ECE1: variants seen among roughly 807,000 people sequenced by gnomAD.
ECE1 encodes the protein endothelin converting enzyme 1.
A neutral mutation model predicts 98.6 loss-of-function variants in ECE1; 35 were observed. The ratio of observed to expected loss-of-function variants is 0.35; its 90% CI spans 0.27 to 0.47. The LOEUF (loss-of-function observed/expected upper bound fraction) is 0.47, where lower values mean the gene tolerates loss of function less well. Among genes scored for constraint, ECE1 ranks in the 20% least tolerant of loss-of-function variants. The pLI, the probability that ECE1 is intolerant of heterozygous loss-of-function variation, is 1.00. For missense variants in ECE1, 814 were observed against 1,025.3 expected (o/e 0.79, Z 2.81); for synonymous variants, 394 against 407.1 (o/e 0.97, Z 0.39).
At chr1:21,238,388 G>T in intron 10 of ECE1, 144 bp from the exon 11 acceptor site, 1 of 719,636 alleles carries the variant, frequency 1.4e-6, no homozygotes. Context: ...AGTTATTTTA[G>T]TCACCGGACC....
At chr1:21,236,381 G>A (rs2098188071) in intron 12 of ECE1, among the ~76,000 whole-genome samples, 1 of 152,172 alleles carries the variant, frequency 6.6e-6, no homozygotes, top group South Asian at 2.1e-4. Flanking sequence ...CGGGCGCGGT[G>A]GCTTATGCCT....
At chr1:21,284,139 C>T (rs146119979) in intron 2 of ECE1, among the ~76,000 whole-genome samples, 53 of 152,324 alleles carry the variant, frequency 3.5e-4, no homozygotes, top group East Asian at 2.1e-3. Context: ...GCATCCCTGT[C>T]GCACCTGCCC....
At chr1:21,341,160 C>T (rs761839088) in intron 1 of ECE1, among the ~76,000 whole-genome samples, 7 of 152,190 alleles carry the variant, frequency 4.6e-5, no homozygotes, top group Admixed American at 6.5e-5. Flanking sequence ...CAGCCCCCCG[C>T]GTGTCTCCCT....
chr1:21,220,282 C>T lies in ECE1; in HGVS notation c.2137-151G>A, dbSNP rs1166127171. The T allele has an allele frequency of 1.2e-6, 1 of 832,310 alleles. No homozygotes were observed. 51.6% of individuals were successfully genotyped at this position (832,310 alleles called of 1,614,324 possible). The stretch of plus-strand genomic sequence containing the variant: ...AGCCAAGGTGGAAGGGCTGCTTGAG[C>T]CCAGGAGTTCATGACCAGCTTGGGC... On this transcript the variant is annotated intron_variant, in intron 18 of 18. Coordinates refer to ENST00000374893, the MANE Select transcript of ECE1 (RefSeq NM_001397.3). The surrounding 1 kb of genome is among the most constrained non-coding windows in gnomAD (Gnocchi z 5.0).
chr1:21,219,912 C>T lies in ECE1; in HGVS notation c.*43G>A, dbSNP rs2098165219. On this transcript the variant is annotated 3_prime_UTR_variant, in exon 19 of 19. Transcript: ENST00000374893. This position sits in a 1 kb window ranked among gnomAD's most constrained non-coding sequence, Gnocchi z 4.5. Reference sequence around the variant, plus strand: ...GGAGGCTGGATGGGGGTCTCGTCCTCAGCCCCTTCCCCTCCTCCGTCTTGG... The same window carrying T: ...GGAGGCTGGATGGGGGTCTCGTCCTTAGCCCCTTCCCCTCCTCCGTCTTGG... 6.2e-7 allele frequency: 1 copy of T among 1,611,476 alleles called. No homozygotes were observed. Among genetic ancestry groups the T allele is most frequent in the African/African-American group, 1.3e-5 (1 of 74,894 alleles).
rs2103259346 is a variant in ECE1, at chr1:21,245,134, G to A, written c.1164-31C>T. The stretch of plus-strand genomic sequence containing the variant: ...GGGAGAGGAGGCCAGAGAGGCTCAG[G>A]GACACCTAGGCAGGGAGGATTGCGG... On this transcript the variant is annotated intron_variant, in intron 9 of 18. Coordinates refer to ENST00000374893, the MANE Select transcript of ECE1 (RefSeq NM_001397.3). 3 of 1,589,210 alleles carry A rather than the reference G, an allele frequency of 1.9e-6. No homozygotes were observed. In the South Asian group the frequency reaches 3.3e-5, roughly 18 times the overall value.
intron 8 of ECE1, 108 bp downstream of exon 8, chr1:21,255,839 A>G: frequency 8.2e-7 from 1 of 1,219,364 alleles, no homozygotes; most frequent in Non-Finnish European, 1.2e-6. Flanking sequence ...TTCCTTTGTC[A>G]CATAGTTTCA....
intron 2 of ECE1, 134 bp downstream of exon 2, chr1:21,289,936 T>G (rs1220964638): frequency 9.0e-7 from 1 of 1,112,526 alleles, no homozygotes; most frequent in African/African-American, 2.2e-5. Context: ...GCGCGGCCCC[T>G]CCCGGATGCC....
chr1:21,330,356 GT>G (rs1639174897), intron 1 of ECE1, among the ~76,000 whole-genome samples: 1 of 149,366 alleles, frequency 6.7e-6, no homozygotes, highest in Non-Finnish European at 1.5e-5. Flanking sequence ...AGCCTCCTGA[GT>G]AGCTGGGACC....
intron 1 of ECE1, among the ~76,000 whole-genome samples, chr1:21,342,629 C>CACACACACACAG (rs1297890212): frequency 1.3e-5 from 2 of 151,842 alleles, no homozygotes; most frequent in African/African-American, 4.8e-5. Context: ...CACACACACA[C>CACACACACACAG]ACACACACAC....
At position 21,245,117 on chromosome 1, in the gene ECE1, A is replaced by G. The variant is rs756130443; in HGVS notation, c.1164-14T>C. The G allele has an allele frequency of 5.6e-6, 9 of 1,607,918 alleles. No individual in the cohort carries two copies. Among genetic ancestry groups the G allele is most frequent in the Admixed American group, 1.7e-5 (1 of 59,952 alleles). ...TTGTTGAGCAGGCTGCGGGGAGAGGAGGCCAGAGAGGCTCAGGGACACCTA... is the reference window on the plus strand; with the variant it reads ...TTGTTGAGCAGGCTGCGGGGAGAGGGGGCCAGAGAGGCTCAGGGACACCTA... On this transcript the variant is annotated splice_polypyrimidine_tract_variant and intron_variant, in intron 9 of 18. Coordinates refer to ENST00000374893, the MANE Select transcript of ECE1 (RefSeq NM_001397.3).
intron 7 of ECE1, 56 bp from the exon 8 acceptor site, chr1:21,256,194 G>A (rs1257726835): frequency 1.5e-5 from 23 of 1,545,172 alleles, no homozygotes; most frequent in African/African-American, 2.7e-5. Flanking sequence ...TCCACTGGAC[G>A]AGAGTTGGTG....
chr1:21,329,964 A>G (rs1639161223), intron 1 of ECE1, among the ~76,000 whole-genome samples: 1 of 152,072 alleles, frequency 6.6e-6, no homozygotes, highest in Admixed American at 6.6e-5. Context: ...TGCAGGAAAG[A>G]ACACAGAGTC....
intron 4 of ECE1, among the ~76,000 whole-genome samples, chr1:21,268,745 AC>A (rs2098236984): frequency 6.6e-6 from 1 of 151,538 alleles, no homozygotes; most frequent in Non-Finnish European, 1.5e-5. Flanking sequence ...CTGTTGGCTG[AC>A]CCCTTTGTCT....
chr1:21,235,850 G>A lies in ECE1; in HGVS notation c.1566C>T (p.Asp522=), dbSNP rs28368018. 2.2e-4 allele frequency: 355 copies of A among 1,614,132 alleles called. 1 individual carries two copies. In the African/African-American group the frequency reaches 3.3e-3, roughly 15 times the overall value. ...DPKELDKVFN[D]YTAVPDLYFE... ...AGGGGGCAGGGCAGCAGCTACTCAC[G>A]TCATTAAACACTTTGTCCAGCTCCT... Residue 522 remains aspartate (D), a splice_region_variant and synonymous_variant, in exon 13 of 19, where the codon GAC becomes GAT. Coordinates refer to ENST00000374893, the MANE Select transcript of ECE1 (RefSeq NM_001397.3). The surrounding 1 kb of genome is among the most constrained non-coding windows in gnomAD (Gnocchi z 4.2).
intron 16 of ECE1, 99 bp downstream of exon 16, chr1:21,227,060 G>A (rs1247309884): frequency 8.2e-7 from 1 of 1,221,190 alleles, no homozygotes; most frequent in Non-Finnish European, 1.2e-6. Flanking sequence ...GTCTTGCTAT[G>A]TTGCCCAGGC....
intron 1 of ECE1, among the ~76,000 whole-genome samples, chr1:21,320,451 T>C (rs1427733465): frequency 1.3e-5 from 2 of 152,200 alleles, no homozygotes; most frequent in African/African-American, 2.4e-5. Flanking sequence ...TTATGAGTAA[T>C]TGAAGAGTTT....
At chr1:21,303,843 G>A (rs985581086) in intron 1 of ECE1, among the ~76,000 whole-genome samples, 1 of 151,934 alleles carries the variant, frequency 6.6e-6, no homozygotes, top group Non-Finnish European at 1.5e-5. Flanking sequence ...TAGATAGGGG[G>A]TTTTGCCATG....
At chr1:21,239,543 A>G (rs535856317) in intron 10 of ECE1, among the ~76,000 whole-genome samples, 54 of 152,192 alleles carry the variant, frequency 3.5e-4, no homozygotes, top group Non-Finnish European at 7.3e-4. Context: ...ACTTGGCAAC[A>G]AAAAGGAATG....
Sources: gnomAD v4.1 joint callset for allele counts (sites outside exome capture counted in the v4.1 genomes callset) on GRCh38, gnomAD v4.1.1 for gene constraint, Gnocchi (gnomAD v3.1) non-coding constraint, MANE v1.5 for transcripts, NCBI Gene and HGNC (gene_info 2026-07-23, HGNC 2026-07-21) for gene names.